The following PLXNA2 variants were observed in gnomAD, a reference collection of about 807,000 sequenced individuals.
The protein encoded by PLXNA2 is plexin-A2.
In PLXNA2, 91 loss-of-function variants were observed where a neutral mutation model predicts 193.5. The observed-to-expected ratio is 0.47, with a 90% CI of 0.40 to 0.56. The LOEUF is 0.56. Ranked by LOEUF, PLXNA2 falls within the 20% of genes least tolerant of loss-of-function variation. The pLI is 0.00. For missense variants in PLXNA2, 1,995 were observed against 2,503.2 expected (o/e 0.80, Z 4.33); for synonymous variants, 997 against 1,027.3 (o/e 0.97, Z 0.56).
At chr1:208,159,245 T>C (rs1246735065) in intron 3 of PLXNA2, among the ~76,000 whole-genome samples, 1 of 152,244 alleles carries the variant, frequency 6.6e-6, no homozygotes, top group African/African-American at 2.4e-5. Context: ...GGCACTGCAT[T>C]ATCATCTGCT....
intron 5 of PLXNA2, among the ~76,000 whole-genome samples, chr1:208,100,639 T>G (rs921695236): frequency 1.3e-5 from 2 of 152,242 alleles, no homozygotes; most frequent in African/African-American, 4.8e-5. Flanking sequence ...CCATGTTTTA[T>G]TCATTGGGAT....
intron 29 of PLXNA2, chr1:208,029,285 G>T: frequency 7.5e-7 from 1 of 1,326,360 alleles, no homozygotes; most frequent in East Asian, 3.4e-5. Flanking sequence ...CATCCGAGGG[G>T]TGGGCCTGGG....
intron 14 of PLXNA2, 48 bp downstream of exon 14, chr1:208,054,373 G>A (rs1463074970): frequency 1.6e-6 from 2 of 1,278,694 alleles, no homozygotes; most frequent in Non-Finnish European, 2.3e-6. Context: ...TGGAGCATGT[G>A]TGTCTCCTCC....
intron 12 of PLXNA2, among the ~76,000 whole-genome samples, chr1:208,067,344 C>CA (rs35720470): frequency 0.54 from 62,943 of 115,884 alleles, 14,823 homozygotes; most frequent in Non-Finnish European, 0.6. Flanking sequence ...AACTCCGTCT[C>CA]AAAAAAAAAA....
In PLXNA2 at chr1:208,052,353, C is replaced by T. The variant is rs758118345; in HGVS notation, c.2967G>A (p.Leu989=). ...CGTAGAACTCGCAGGTCTGGTTGCC[C>T]AGGTAGACTGCCACGCTGCTCCCAG... ...LGAGSSVAVY[L]GNQTCEFYGR... is the part of the protein sequence containing the mutation. The change falls in exon 15 of 32, where the codon CTG becomes CTA. Residue 989 remains leucine (L), a synonymous_variant. Transcript: ENST00000367033. 15 of 1,613,308 alleles carry T rather than the reference C, an allele frequency of 9.3e-6. No individual in the cohort carries two copies. The highest frequency in any genetic ancestry group is 1.2e-5 in the Non-Finnish European group (14 of 1,180,032).
chr1:208,103,275 T>G (rs1172982427), intron 4 of PLXNA2, 28 bp from the exon 5 acceptor site: 5 of 1,568,260 alleles, frequency 3.2e-6, no homozygotes, highest in African/African-American at 1.3e-5. Flanking sequence ...GAGGGTACAG[T>G]GAGGTTAGGC....
intron 3 of PLXNA2, among the ~76,000 whole-genome samples, chr1:208,157,269 T>C (rs1437834836): frequency 1.3e-5 from 2 of 152,348 alleles, no homozygotes; most frequent in East Asian, 3.9e-4. Flanking sequence ...AACATATGTG[T>C]TTCTACTCCC....
At position 208,195,576 on chromosome 1, in the gene PLXNA2, A is replaced by G. The variant is rs73079913; in HGVS notation, c.1371+14704T>C. On this transcript the variant is annotated intron_variant, in intron 3 of 31. Coordinates refer to ENST00000367033, the MANE Select transcript of PLXNA2 (RefSeq NM_025179.4). Reference sequence around the variant, plus strand: ...GCTGCCTACAAATAGCTCCCCAAAGAGTGGGGAGATTCAGGCATCTGCCAT... The same window carrying G: ...GCTGCCTACAAATAGCTCCCCAAAGGGTGGGGAGATTCAGGCATCTGCCAT... Among the ~76,000 whole-genome samples the G allele has an allele frequency of 4.9e-3, 688 of 141,438 alleles. 7 individuals carry two copies. The highest frequency in any genetic ancestry group is 0.018 in the African/African-American group (666 of 37,890). The allele number at this position is 141,438 out of a possible 152,430, so 92.8% of individuals were successfully genotyped here. A position where few individuals can be genotyped will look rare whatever the true frequency, so the allele number is the denominator to read the frequency against.
chr1:208,163,861 C>T (rs1669211776), intron 3 of PLXNA2, among the ~76,000 whole-genome samples: 1 of 152,190 alleles, frequency 6.6e-6, no homozygotes, highest in Admixed American at 6.5e-5. Context: ...GTCGATGCTC[C>T]ATAAATTCTT....
chr1:208,055,143 A>C (rs1475087387), intron 13 of PLXNA2, among the ~76,000 whole-genome samples: 1 of 152,178 alleles, frequency 6.6e-6, no homozygotes, highest in African/African-American at 2.4e-5. Flanking sequence ...GGACAAGTTC[A>C]TTAGGCCAGC....
chr1:208,032,964 G>C (rs377369275), intron 28 of PLXNA2, among the ~76,000 whole-genome samples: 55 of 152,224 alleles, frequency 3.6e-4, no homozygotes, highest in African/African-American at 1.3e-3. Flanking sequence ...TTTTGCCAAA[G>C]GGTAGAGAAC....
At position 208,039,738 on chromosome 1, in the gene PLXNA2, T is replaced by C. The variant is rs939136112; in HGVS notation, c.4383A>G (p.Leu1461=). 1 of 1,614,096 alleles carries C rather than the reference T, an allele frequency of 6.2e-7. No individual in the cohort carries two copies. The highest frequency in any genetic ancestry group is 8.5e-7 in the Non-Finnish European group (1 of 1,180,024). Residue 1461 remains leucine (L), a synonymous_variant, in exon 24 of 32, where the codon CTA becomes CTG. Coordinates refer to ENST00000367033, the MANE Select transcript of PLXNA2 (RefSeq NM_025179.4). The part of the protein sequence containing the change: ...KECAGEPLFM[L]YCAIKQQMEK... ...CCATCTGCTGCTTGATGGCACAGTA[T>C]AGCATGAAGAGTGGCTCCCCTGCGC...
At chr1:208,110,238 A>G (rs1481961733) in intron 4 of PLXNA2, among the ~76,000 whole-genome samples, 1 of 152,242 alleles carries the variant, frequency 6.6e-6, no homozygotes, top group African/African-American at 2.4e-5. Context: ...CCTTTGGCTC[A>G]GCAAGTCTCC....
chr1:208,030,387 C>T, intron 29 of PLXNA2: 1 of 985,662 alleles, frequency 1.0e-6, no homozygotes, highest in Non-Finnish European at 1.2e-6. Context: ...CTTGATTTCC[C>T]CTGAAGTGCC....
chr1:208,095,636 T>A (rs1666857089), intron 8 of PLXNA2, among the ~76,000 whole-genome samples: 1 of 151,976 alleles, frequency 6.6e-6, no homozygotes, highest in Non-Finnish European at 1.5e-5. Flanking sequence ...TATCTCGGAG[T>A]CCCTCTTCAT....
At chr1:208,092,636 C>T (rs1251581839) in intron 9 of PLXNA2, 150 bp downstream of exon 9, 2 of 539,960 alleles carry the variant, frequency 3.7e-6, no homozygotes, top group Non-Finnish European at 6.6e-6. Context: ...TTTATAATAA[C>T]AGGGCTTTCT....
intron 12 of PLXNA2, among the ~76,000 whole-genome samples, chr1:208,064,843 C>A (rs985643666): frequency 4.6e-5 from 7 of 152,044 alleles, no homozygotes; most frequent in Non-Finnish European, 1.0e-4. Context: ...CACCTTAGAC[C>A]AGGAAGCTGC....
intron 12 of PLXNA2, among the ~76,000 whole-genome samples, chr1:208,076,857 T>C (rs1203066754): frequency 6.6e-6 from 1 of 152,202 alleles, no homozygotes; most frequent in Non-Finnish European, 1.5e-5. Context: ...AATTTCCTGA[T>C]TTTGATAATT....
At chr1:208,134,298 C>G (rs1668241349) in intron 4 of PLXNA2, among the ~76,000 whole-genome samples, 1 of 152,062 alleles carries the variant, frequency 6.6e-6, no homozygotes, top group Non-Finnish European at 1.5e-5. Flanking sequence ...CCTCTTTGTT[C>G]CTTGACATTT....
Sources: allele counts gnomAD v4.1 joint callset (sites outside exome capture counted in the v4.1 genomes callset), GRCh38; gene constraint gnomAD v4.1.1; transcripts MANE v1.5; gene names NCBI Gene and HGNC (gene_info 2026-07-23, HGNC 2026-07-21).